Variants in BNIP1 observed in about 807,000 individuals in gnomAD.
The protein encoded by BNIP1 is BCL2 interacting protein 1.
A neutral mutation model predicts 28.5 loss-of-function variants in BNIP1; 25 were observed. The observed-to-expected ratio is 0.88, with a 90% CI of 0.64 to 1.23. The LOEUF (loss-of-function observed/expected upper bound fraction) is 1.23. Among genes scored for constraint, BNIP1 ranks in the 50% most tolerant of loss-of-function variants. The probability of loss-of-function intolerance (pLI) is 0.00; values close to 1 mark genes in which losing one functional copy is unlikely to be tolerated. For synonymous variants in BNIP1, 118 were observed against 101.7 expected (o/e 1.16, Z -0.96); for missense variants, 276 against 277.0 (o/e 1.00, Z 0.02).
intron 2 of BNIP1, among the ~76,000 whole-genome samples, chr5:173,153,647 G>T (rs957306863): frequency 6.6e-6 from 1 of 151,576 alleles, no homozygotes; most frequent in Non-Finnish European, 1.5e-5. Context: ...TCTCAGGGGA[G>T]TTTTTTTTTA....
intron 5 of BNIP1, among the ~76,000 whole-genome samples, chr5:173,163,089 C>G (rs998791754): frequency 2.0e-5 from 3 of 152,228 alleles, no homozygotes; most frequent in Admixed American, 6.5e-5. Context: ...CCCTCAGCGT[C>G]AGGCCCAGAT....
At chr5:173,151,534 T>C (rs746837847) in intron 2 of BNIP1, 2 of 1,586,498 alleles carry the variant, frequency 1.3e-6, no homozygotes. Flanking sequence ...CATTCTTTTC[T>C]AAATAACTGT....
chr5:173,157,171 A>C (rs1760225418), intron 3 of BNIP1, among the ~76,000 whole-genome samples: 1 of 152,254 alleles, frequency 6.6e-6, no homozygotes, highest in South Asian at 2.1e-4. Context: ...AACTGTTTCA[A>C]AATGTAATGG....
intron 3 of BNIP1, 96 bp from the exon 4 acceptor site, chr5:173,158,648 C>G: frequency 1.1e-6 from 1 of 935,260 alleles, no homozygotes; most frequent in South Asian, 1.7e-5. Context: ...TGGTGGCCTT[C>G]TCCCGTGTGC....
chr5:173,156,716 C>G (rs369818759), intron 3 of BNIP1, among the ~76,000 whole-genome samples: 2 of 149,648 alleles, frequency 1.3e-5, no homozygotes, highest in Non-Finnish European at 3.0e-5. Flanking sequence ...GGCGCAATCT[C>G]GGCTCACTGC....
chr5:173,160,139 C>T, intron 5 of BNIP1, 88 bp downstream of exon 5: 1 of 1,174,666 alleles, frequency 8.5e-7, no homozygotes, highest in Non-Finnish European at 1.2e-6. Context: ...GCTCCTCCAC[C>T]ACAGCCCACA....
chr5:173,160,347 G>A (rs994901267), intron 5 of BNIP1, among the ~76,000 whole-genome samples: 1 of 151,596 alleles, frequency 6.6e-6, no homozygotes, highest in Non-Finnish European at 1.5e-5. Context: ...CGATTCTCCT[G>A]CCTTAGCCTC....
At chr5:173,149,608 G>C (rs888456487) in intron 2 of BNIP1, among the ~76,000 whole-genome samples, 1 of 152,130 alleles carries the variant, frequency 6.6e-6, no homozygotes, top group Admixed American at 6.5e-5. Context: ...TTCTTGCATT[G>C]CTGTAAAGAA....
intron 2 of BNIP1, chr5:173,151,832 G>A: frequency 1.5e-6 from 2 of 1,296,092 alleles, no homozygotes; most frequent in East Asian, 2.4e-5. Context: ...ATAAGCACAT[G>A]GCCAGTAAAT....
intron 3 of BNIP1, among the ~76,000 whole-genome samples, chr5:173,156,147 C>G (rs1760179558): frequency 1.3e-5 from 2 of 152,158 alleles, no homozygotes; most frequent in African/African-American, 4.8e-5. Flanking sequence ...CAGGGCTTGG[C>G]TATTTCACGA....
chr5:173,145,670 T>C (rs1046269506), intron 1 of BNIP1, among the ~76,000 whole-genome samples: 14 of 152,248 alleles, frequency 9.2e-5, no homozygotes, highest in Non-Finnish European at 1.9e-4. Context: ...CCCAAATTGC[T>C]GGGATTACAG....
intron 2 of BNIP1, chr5:173,151,720 A>G (rs1479311636): frequency 6.2e-7 from 1 of 1,611,478 alleles, no homozygotes; most frequent in Non-Finnish European, 8.5e-7. Context: ...TTCTTTTTAA[A>G]CATCTGGGTG....
At chr5:173,155,454 G>T (rs369678414) in intron 3 of BNIP1, among the ~76,000 whole-genome samples, 6 of 152,062 alleles carry the variant, frequency 3.9e-5, no homozygotes, top group Non-Finnish European at 7.4e-5. Flanking sequence ...GAATCCCAGC[G>T]CTTTGGGAGG....
chr5:173,149,984 A>G (rs377076717), intron 2 of BNIP1, among the ~76,000 whole-genome samples: 23 of 152,314 alleles, frequency 1.5e-4, no homozygotes, highest in African/African-American at 5.5e-4. Flanking sequence ...TTTGGCCAGC[A>G]CAGTGGCTCA....
At chr5:173,151,722 A>G in intron 2 of BNIP1, 1 of 1,611,806 alleles carries the variant, frequency 6.2e-7, no homozygotes, top group Non-Finnish European at 8.5e-7. Context: ...CTTTTTAAAC[A>G]TCTGGGTGCC....
At chr5:173,160,098 T>C in intron 5 of BNIP1, 47 bp downstream of exon 5, 1 of 1,563,562 alleles carries the variant, frequency 6.4e-7, no homozygotes, top group Non-Finnish European at 8.8e-7. Context: ...GACGCTGCTC[T>C]AGGGCCCTTG....
chr5:173,151,520 C>G, intron 2 of BNIP1: 1 of 1,570,674 alleles, frequency 6.4e-7, no homozygotes, highest in Non-Finnish European at 8.6e-7. Flanking sequence ...CACACCTGGT[C>G]TCTCATTCTT....
intron 3 of BNIP1, among the ~76,000 whole-genome samples, chr5:173,158,131 A>G (rs558735030): frequency 2.0e-4 from 30 of 151,892 alleles, no homozygotes; most frequent in African/African-American, 7.0e-4. Context: ...GGGTTTCTCC[A>G]TGTTGCCCAG....
At position 173,158,778 on chromosome 5, in the gene BNIP1, T is replaced by C; in HGVS notation, c.304T>C (p.Cys102Arg). 1 of 1,614,166 alleles carries C rather than the reference T, an allele frequency of 6.2e-7. No individual in the cohort carries two copies. The highest frequency in any genetic ancestry group is 8.5e-7 in the Non-Finnish European group (1 of 1,180,028). ...QASWRKANLT[C>R]KIAIDNLEKA... Reference sequence around the variant, plus strand: ...CTCATGGAGGAAAGCTAATCTCACCTGCAAAATTGCAATCGACAATCTAGA... The same window carrying C: ...CTCATGGAGGAAAGCTAATCTCACCCGCAAAATTGCAATCGACAATCTAGA... Residue 102 changes from cysteine to arginine, a missense_variant, in exon 4 of 6, where the codon TGC becomes CGC. Transcript: ENST00000351486.
Sources: allele counts gnomAD v4.1 joint callset (sites outside exome capture counted in the v4.1 genomes callset), GRCh38; gene constraint gnomAD v4.1.1; transcripts MANE v1.5; gene names NCBI Gene and HGNC (gene_info 2026-07-23, HGNC 2026-07-21).